Variants in PRKN observed in about 807,000 individuals in gnomAD.
PRKN encodes parkin RBR E3 ubiquitin protein ligase, also known as E3 ubiquitin-protein ligase parkin.
A neutral mutation model predicts 59.5 loss-of-function variants in PRKN; 56 were observed. That is an observed-to-expected ratio of 0.94 (90% CI 0.76 to 1.18). The LOEUF is 1.18. PRKN is among the 50% of genes most tolerant of loss of function. The pLI is 0.00. For synonymous variants in PRKN, 250 were observed against 222.1 expected (o/e 1.13, Z -1.12); for missense variants, 657 against 596.4 (o/e 1.10, Z -1.06).
chr6:162,409,700 A>G (rs1395367549), intron 2 of PRKN, among the ~76,000 whole-genome samples: 4 of 152,208 alleles, frequency 2.6e-5, no homozygotes, highest in South Asian at 2.1e-4. Context: ...TTCAAGCCCA[A>G]GCACAAAATA....
chr6:162,024,194 C>CTTTTT lies in PRKN; in HGVS notation c.618+29892_618+29896dup, dbSNP rs111595639. On this transcript the variant is annotated intron_variant, in intron 5 of 11. Coordinates refer to ENST00000366898, the MANE Select transcript of PRKN (RefSeq NM_004562.3). ...CCCTTCCTCCCTCCCTCCCCCAACCCTTTTTTTTTTTTTTTTTTTTTTTGA... is the reference window on the plus strand; with the variant it reads ...CCCTTCCTCCCTCCCTCCCCCAACCCTTTTTTTTTTTTTTTTTTTTTTTTTTTTGA... 1.6e-3 allele frequency among the ~76,000 whole-genome samples: 131 copies of CTTTTT among 82,062 alleles called. 1 individual carries two copies. The highest frequency in any genetic ancestry group is 2.6e-3 in the South Asian group (5 of 1,940). 53.8% of individuals were successfully genotyped at this position (82,062 alleles called of 152,430 possible).
At position 161,442,999 on chromosome 6, in the gene PRKN, T is replaced by C. The variant is rs1397757912; in HGVS notation, c.1084-56122A>G. On this transcript the variant is annotated intron_variant, in intron 9 of 11. Transcript: ENST00000366898. This position sits in a 1 kb window ranked among gnomAD's most constrained non-coding sequence, Gnocchi z 4.6. ...ACTGACCTGCTCGAGGTGAAGAAAA[T>C]GAGTAGGGATTAGAATCAGGGAGCG... Among the ~76,000 whole-genome samples, 1 of 151,762 alleles carries C rather than the reference T, an allele frequency of 6.6e-6. No homozygotes were observed. The highest frequency in any genetic ancestry group is 1.9e-4 in the East Asian group (1 of 5,154).
At chr6:162,225,881 G>A (rs1562594713) in intron 3 of PRKN, among the ~76,000 whole-genome samples, 1 of 119,726 alleles carries the variant, frequency 8.4e-6, no homozygotes. Flanking sequence ...TGTTAATGTA[G>A]GGCTGTATAT....
intron 4 of PRKN, among the ~76,000 whole-genome samples, chr6:162,128,889 G>C (rs1167894926): frequency 6.6e-6 from 1 of 152,186 alleles, no homozygotes; most frequent in Non-Finnish European, 1.5e-5. Flanking sequence ...CCTTGATCTT[G>C]AAGTTCCAGC....
At chr6:161,633,451 A>C (rs1466910499) in intron 7 of PRKN, among the ~76,000 whole-genome samples, 1 of 152,236 alleles carries the variant, frequency 6.6e-6, no homozygotes, top group Non-Finnish European at 1.5e-5. Flanking sequence ...TTCAGTTAAC[A>C]GCTTAATAGG....
chr6:162,170,411 T>C (rs1382251525), intron 4 of PRKN, among the ~76,000 whole-genome samples: 1 of 152,200 alleles, frequency 6.6e-6, no homozygotes, highest in Non-Finnish European at 1.5e-5. Context: ...GACATGCTAC[T>C]TTTTACTTTA....
At chr6:162,009,908 C>A (rs1782418916) in intron 5 of PRKN, among the ~76,000 whole-genome samples, 1 of 151,648 alleles carries the variant, frequency 6.6e-6, no homozygotes, top group South Asian at 2.1e-4. Context: ...TGCACTCCAG[C>A]CTGGGTGACA....
chr6:162,331,037 A>T (rs1457334236), intron 2 of PRKN, among the ~76,000 whole-genome samples: 1 of 152,120 alleles, frequency 6.6e-6, no homozygotes, highest in Non-Finnish European at 1.5e-5. Flanking sequence ...CGATTTTAGA[A>T]ATAATTTTAG....
chr6:162,363,073 A>G (rs1785230918), intron 2 of PRKN, among the ~76,000 whole-genome samples: 1 of 147,252 alleles, frequency 6.8e-6, no homozygotes, highest in South Asian at 2.2e-4. Context: ...GCTTGCAGTG[A>G]GCCAAGATCA....
intron 7 of PRKN, among the ~76,000 whole-genome samples, chr6:161,752,526 T>G (rs976363909): frequency 3.9e-5 from 6 of 151,938 alleles, no homozygotes; most frequent in African/African-American, 1.5e-4. Flanking sequence ...AAACCCCGTC[T>G]GCATAAAAAT....
Position 161,562,373 on chromosome 6 carries a change from G to T in PRKN, c.933+6982C>A, listed in dbSNP as rs896686221. 6.6e-6 allele frequency among the ~76,000 whole-genome samples: 1 copy of T among 152,174 alleles called. No individual in the cohort carries two copies. The highest frequency in any genetic ancestry group is 2.4e-5 in the African/African-American group (1 of 41,422). On this transcript the variant is annotated intron_variant, in intron 8 of 11. Transcript: ENST00000366898. This position sits in a 1 kb window ranked among gnomAD's most constrained non-coding sequence, Gnocchi z 4.3. ...TGGATTGTCTTCTACTTTCCTTGAG[G>T]TTCCTTCTTGGTCTCCTTTGTTGGT...
chr6:162,410,155 A>G (rs1788279824), intron 2 of PRKN, among the ~76,000 whole-genome samples: 1 of 152,002 alleles, frequency 6.6e-6, no homozygotes, highest in South Asian at 2.1e-4. Context: ...AATGAAAACC[A>G]CCCTGCTGTT....
chr6:161,577,979 A>C (rs1781197247), intron 7 of PRKN, among the ~76,000 whole-genome samples: 1 of 152,208 alleles, frequency 6.6e-6, no homozygotes. Flanking sequence ...TCTTGAGTGT[A>C]CACTTACTAT....
At chr6:162,312,696 C>T (rs1315745799) in intron 2 of PRKN, among the ~76,000 whole-genome samples, 1 of 152,090 alleles carries the variant, frequency 6.6e-6, no homozygotes, top group Non-Finnish European at 1.5e-5. Context: ...TGATCCTGAT[C>T]TTGTAGAGGT....
chr6:162,240,602 C>A (rs1354861222), intron 3 of PRKN, among the ~76,000 whole-genome samples: 1 of 152,070 alleles, frequency 6.6e-6, no homozygotes, highest in Non-Finnish European at 1.5e-5. Context: ...ACAATAACAC[C>A]ATGCAAAGTT....
At chr6:162,351,870 A>G (rs1321420115) in intron 2 of PRKN, among the ~76,000 whole-genome samples, 1 of 152,058 alleles carries the variant, frequency 6.6e-6, no homozygotes, top group Non-Finnish European at 1.5e-5. Context: ...TTATTAAAAT[A>G]TATGTAACTT....
intron 1 of PRKN, among the ~76,000 whole-genome samples, chr6:162,701,657 A>C (rs1268890130): frequency 6.6e-6 from 1 of 152,090 alleles, no homozygotes; most frequent in Non-Finnish European, 1.5e-5. Flanking sequence ...CTAAGGGTCA[A>C]CAAGCTTCCA....
At chr6:161,829,081 C>T (rs1251450133) in intron 6 of PRKN, among the ~76,000 whole-genome samples, 1 of 151,716 alleles carries the variant, frequency 6.6e-6, no homozygotes, top group African/African-American at 2.4e-5. Context: ...CAAAAATTAG[C>T]CAGGCATAGT....
intron 7 of PRKN, among the ~76,000 whole-genome samples, chr6:161,705,739 T>C (rs1342558172): frequency 6.6e-6 from 1 of 152,194 alleles, no homozygotes; most frequent in Non-Finnish European, 1.5e-5. Flanking sequence ...AAGGGACAGA[T>C]GGAAGACGCT....
Sources: gnomAD v4.1 joint callset for allele counts (sites outside exome capture counted in the v4.1 genomes callset) on GRCh38, gnomAD v4.1.1 for gene constraint, Gnocchi (gnomAD v3.1) non-coding constraint, MANE v1.5 for transcripts, NCBI Gene and HGNC (gene_info 2026-07-23, HGNC 2026-07-21) for gene names.